The following TSPAN7 variants were observed in gnomAD, a reference collection of about 807,000 sequenced individuals.
TSPAN7 encodes the protein tetraspanin-7.
In TSPAN7, 1 loss-of-function variant was observed where a neutral mutation model predicts 17.6. The observed-to-expected ratio is 0.06, with a 90% CI of 0.02 to 0.27. TSPAN7 has a LOEUF of 0.27. Ranked by LOEUF, TSPAN7 falls within the 10% of genes least tolerant of loss-of-function variation. The pLI is 1.00. For synonymous variants in TSPAN7, 78 were observed against 79.0 expected (o/e 0.99, Z 0.07); for missense variants, 112 against 201.7 (o/e 0.56, Z 2.69).
At chrX:38,652,031 CA>C (rs1160576013) in intron 1 of TSPAN7, among the ~76,000 whole-genome samples, 5 of 111,738 alleles carry the variant, frequency 4.5e-5, no homozygotes, top group African/African-American at 1.6e-4. Context: ...CTTCCAGTGC[CA>C]TATCCTCTTT....
intron 1 of TSPAN7, among the ~76,000 whole-genome samples, chrX:38,580,354 G>A (rs112302474): frequency 0.01 from 1,137 of 111,982 alleles, 10 homozygotes; most frequent in African/African-American, 0.034. Flanking sequence ...TTTTGTCCCC[G>A]TTTTCCATAC....
At chrX:38,659,823 C>CTTTTTTTTT (rs748922281) in intron 1 of TSPAN7, among the ~76,000 whole-genome samples, 1 of 61,586 alleles carries the variant, frequency 1.6e-5, no homozygotes, top group Non-Finnish European at 2.9e-5. Context: ...TTTTCTTTTT[C>CTTTTTTTTT]TTTTTTTTTT....
chrX:38,568,614 A>G lies in TSPAN7; in HGVS notation c.81+6987A>G, dbSNP rs192037568. Among the ~76,000 whole-genome samples, 174 of 111,054 alleles carry G rather than the reference A, an allele frequency of 1.6e-3. 1 individual carries two copies. The highest frequency in any genetic ancestry group is 2.9e-3 in the Non-Finnish European group (154 of 52,877). ...GCTTGCTCTGAAATTTCACAACAAT[A>G]TGCTCTGGTATATGTCTATTTTAAA... On this transcript the variant is annotated intron_variant, in intron 1 of 7. Coordinates refer to ENST00000378482, the MANE Select transcript of TSPAN7 (RefSeq NM_004615.4).
At chrX:38,654,921 T>A (rs1464705904) in intron 1 of TSPAN7, among the ~76,000 whole-genome samples, 1 of 111,847 alleles carries the variant, frequency 8.9e-6, no homozygotes, top group Non-Finnish European at 1.9e-5. Flanking sequence ...AGCAGAGACC[T>A]GAAATGAGAG....
chrX:38,627,937 G>T (rs1264921008), intron 1 of TSPAN7, among the ~76,000 whole-genome samples: 1 of 112,749 alleles, frequency 8.9e-6, no homozygotes, highest in Non-Finnish European at 1.9e-5. Flanking sequence ...CTTTCTTTCA[G>T]ATCACCTGCT....
intron 5 of TSPAN7, among the ~76,000 whole-genome samples, chrX:38,678,472 T>C (rs967221389): frequency 9.0e-6 from 1 of 111,643 alleles, no homozygotes; most frequent in African/African-American, 3.3e-5. Context: ...ACAACCGACT[T>C]TCATATTAGG....
chrX:38,634,251 G>A (rs1252930704), intron 1 of TSPAN7, among the ~76,000 whole-genome samples: 2 of 111,829 alleles, frequency 1.8e-5, no homozygotes, highest in East Asian at 2.8e-4. Flanking sequence ...AGATTTGGGG[G>A]AGAGGAAAAG....
At chrX:38,667,582 G>A (rs752430428) in intron 2 of TSPAN7, among the ~76,000 whole-genome samples, 2 of 111,325 alleles carry the variant, frequency 1.8e-5, no homozygotes, top group Non-Finnish European at 3.8e-5. Flanking sequence ...TGGGCAGTCA[G>A]TCTCTGTTGT....
rs192844174 is a variant in TSPAN7, at chrX:38,614,457, C to G, written c.82-51664C>G. On this transcript the variant is annotated intron_variant, in intron 1 of 7. Transcript: ENST00000378482. Reference sequence around the variant, plus strand: ...GCAGTCCAAGATTTGTGTTTTGAAACCCTGTGAAGGTTTTTACCAAGTCCA... The same window carrying G: ...GCAGTCCAAGATTTGTGTTTTGAAAGCCTGTGAAGGTTTTTACCAAGTCCA... 5.3e-5 allele frequency among the ~76,000 whole-genome samples: 6 copies of G among 112,617 alleles called. No individual in the cohort carries two copies. The East Asian group carries it at 1.7e-3, about 31-fold the overall frequency.
chrX:38,586,447 A>T (rs1418353127), intron 1 of TSPAN7, among the ~76,000 whole-genome samples: 1 of 112,278 alleles, frequency 8.9e-6, no homozygotes, highest in Non-Finnish European at 1.9e-5. Context: ...ATGTTAGGAG[A>T]TGAAAAGATT....
intron 1 of TSPAN7, among the ~76,000 whole-genome samples, chrX:38,641,911 G>A (rs1423957977): frequency 1.8e-5 from 2 of 111,672 alleles, no homozygotes; most frequent in African/African-American, 6.5e-5. Flanking sequence ...GCCTTATGAA[G>A]CCTTTCTCCA....
At chrX:38,587,657 A>G (rs1376388710) in intron 1 of TSPAN7, among the ~76,000 whole-genome samples, 2 of 111,772 alleles carry the variant, frequency 1.8e-5, no homozygotes, top group Non-Finnish European at 3.8e-5. Context: ...CCATATTTTA[A>G]TATTAATCTA....
chrX:38,597,993 G>A (rs1446496165), intron 1 of TSPAN7, among the ~76,000 whole-genome samples: 1 of 111,502 alleles, frequency 9.0e-6, no homozygotes, highest in Non-Finnish European at 1.9e-5. Flanking sequence ...TTTAGGCATG[G>A]CACTTGAAAC....
chrX:38,597,791 C>T lies in TSPAN7; in HGVS notation c.81+36164C>T, dbSNP rs189412968. On this transcript the variant is annotated intron_variant, in intron 1 of 7. Coordinates refer to ENST00000378482, the MANE Select transcript of TSPAN7 (RefSeq NM_004615.4). ...AGACTAAGATTTCAACTGGGTGTCA[C>T]ATTTTCTCTTCTGTGGGTGATAACA... 8.1e-5 allele frequency among the ~76,000 whole-genome samples: 9 copies of T among 111,518 alleles called. No homozygotes were observed. The East Asian group carries it at 2.6e-3, about 32-fold the overall frequency.
intron 1 of TSPAN7, among the ~76,000 whole-genome samples, chrX:38,655,719 A>G (rs2069699886): frequency 9.0e-6 from 1 of 111,564 alleles, no homozygotes; most frequent in Admixed American, 9.6e-5. Context: ...ATCACACCCC[A>G]TCAATGCATA....
At chrX:38,671,060 A>G (rs2069818615) in intron 2 of TSPAN7, among the ~76,000 whole-genome samples, 1 of 111,545 alleles carries the variant, frequency 9.0e-6, no homozygotes, top group Non-Finnish European at 1.9e-5. Context: ...AGTGTAACAA[A>G]TAGTGGATAC....
At chrX:38,571,072 A>G (rs984787827) in intron 1 of TSPAN7, 39 of 111,983 alleles carry the variant, frequency 3.5e-4, no homozygotes, top group African/African-American at 1.2e-3. Context: ...CTTTTAGTGT[A>G]AAGCATTTAA....
chrX:38,674,556 A>G (rs917286155), intron 4 of TSPAN7, among the ~76,000 whole-genome samples: 1 of 111,894 alleles, frequency 8.9e-6, no homozygotes, highest in Non-Finnish European at 1.9e-5. Flanking sequence ...CAAGTATGGC[A>G]AGGACAGCTC....
intron 1 of TSPAN7, among the ~76,000 whole-genome samples, chrX:38,568,877 A>G (rs2069155935): frequency 9.2e-6 from 1 of 108,914 alleles, no homozygotes; most frequent in Non-Finnish European, 1.9e-5. Flanking sequence ...CTGCTATTGC[A>G]TTTTTCATTT....
Sources: allele counts gnomAD v4.1 joint callset (sites outside exome capture counted in the v4.1 genomes callset), GRCh38; gene constraint gnomAD v4.1.1; transcripts MANE v1.5; gene names NCBI Gene and HGNC (gene_info 2026-07-23, HGNC 2026-07-21).